Variants in CACNB4 observed in about 807,000 individuals in gnomAD.
CACNB4 encodes the protein voltage-dependent L-type calcium channel subunit beta-4.
In CACNB4, 32 loss-of-function variants were observed where a neutral mutation model predicts 71.2. The observed-to-expected ratio is 0.45, with a 90% CI of 0.34 to 0.60. The LOEUF (loss-of-function observed/expected upper bound fraction) is 0.60, where lower values mean the gene tolerates loss of function less well. Among genes scored for constraint, CACNB4 ranks in the 20% least tolerant of loss-of-function variants. The pLI, the probability that CACNB4 is intolerant of heterozygous loss-of-function variation, is 0.01. For synonymous variants in CACNB4, 231 were observed against 236.9 expected, an observed-to-expected ratio of 0.97 and a Z score of 0.23; for missense variants, 464 against 647.9, an observed-to-expected ratio of 0.72 and a Z score of 3.08.
chr2:151,894,713 G>C (rs1004327017), intron 2 of CACNB4, among the ~76,000 whole-genome samples: 2 of 152,040 alleles, frequency 1.3e-5, no homozygotes, highest in Non-Finnish European at 2.9e-5. Flanking sequence ...CAGTAATGTT[G>C]CAGGATACAA....
chr2:151,988,967 C>T (rs552299574), intron 2 of CACNB4, among the ~76,000 whole-genome samples: 5 of 152,340 alleles, frequency 3.3e-5, no homozygotes, highest in South Asian at 2.1e-4. Context: ...CTTACCTCAT[C>T]TCTCTTCTTT....
chr2:152,078,770 C>T (rs971023604), intron 2 of CACNB4, among the ~76,000 whole-genome samples: 3 of 152,234 alleles, frequency 2.0e-5, no homozygotes, highest in Non-Finnish European at 2.9e-5. Flanking sequence ...CAACAGCCTA[C>T]GTCCTTGGAC....
chr2:151,973,456 C>T (rs2099873156), intron 2 of CACNB4: 9 of 576,504 alleles, frequency 1.6e-5, no homozygotes, highest in Non-Finnish European at 2.5e-5. Flanking sequence ...TGCCATCACC[C>T]TAATTTCTTT....
Position 152,030,107 on chromosome 2 carries a change from CT to C in CACNB4, c.147+68222del, listed in dbSNP as rs796605021. On this transcript the variant is annotated intron_variant, in intron 2 of 13. Transcript: ENST00000539935. ...AGGCAATTGTGAGCACTCTTACCTT[CT>C]TTTTTTTTTCTGATTACATTTCTAC... 1.6e-3 allele frequency among the ~76,000 whole-genome samples: 240 copies of C among 149,630 alleles called. 1 individual carries two copies. The highest frequency in any genetic ancestry group is 8.6e-3 in the East Asian group (44 of 5,104).
chr2:151,837,457 C>T lies in CACNB4; in HGVS notation c.*1662G>A, dbSNP rs1180852774. On this transcript the variant is annotated 3_prime_UTR_variant, in exon 14 of 14. Coordinates refer to ENST00000539935, the MANE Select transcript of CACNB4 (RefSeq NM_000726.5). The stretch of plus-strand genomic sequence containing the variant: ...CTGAACTGGTGCATGCTTTGAGTGC[C>T]TGAATACTGAAAGGCTTGGGGAGAA... 1.3e-5 allele frequency: 2 copies of T among 151,738 alleles called. No individual in the cohort carries two copies. The highest frequency in any genetic ancestry group is 3.8e-4 in the East Asian group (2 of 5,196). 9.4% of individuals were successfully genotyped at this position (151,738 alleles called of 1,614,324 possible). A position where few individuals can be genotyped will look rare whatever the true frequency, so the allele number is the denominator to read the frequency against.
intron 2 of CACNB4, among the ~76,000 whole-genome samples, chr2:151,950,986 G>A (rs987129764): frequency 6.6e-6 from 1 of 152,046 alleles, no homozygotes. Flanking sequence ...CACCCTGGCT[G>A]GAGGCTGGAG....
intron 12 of CACNB4, among the ~76,000 whole-genome samples, chr2:151,844,245 T>G (rs1469996607): frequency 1.3e-5 from 2 of 152,186 alleles, no homozygotes; most frequent in Non-Finnish European, 2.9e-5. Flanking sequence ...TATGTCACAC[T>G]GGGACTTTAA....
intron 2 of CACNB4, among the ~76,000 whole-genome samples, chr2:151,993,370 T>A (rs546985200): frequency 1.3e-5 from 2 of 152,150 alleles, no homozygotes; most frequent in South Asian, 4.1e-4. Flanking sequence ...ATATTCATGG[T>A]AGCCAATGAA....
At chr2:151,900,287 T>C (rs1258444793) in intron 2 of CACNB4, among the ~76,000 whole-genome samples, 3 of 152,120 alleles carry the variant, frequency 2.0e-5, no homozygotes, top group African/African-American at 7.2e-5. Context: ...CTATGTCATT[T>C]AAAAAAAGAA....
intron 4 of CACNB4, among the ~76,000 whole-genome samples, chr2:151,878,173 A>AAAAGCGAAATTTATATATATGT (rs1414804755): frequency 1.3e-5 from 2 of 151,818 alleles, no homozygotes; most frequent in Non-Finnish European, 2.9e-5. Context: ...GAGCTCATAG[A>AAAAGCGAAATTTATATATATGT]AAAGCGAAAT....
At chr2:152,012,308 T>C (rs557528198) in intron 2 of CACNB4, among the ~76,000 whole-genome samples, 63 of 152,146 alleles carry the variant, frequency 4.1e-4, no homozygotes, top group African/African-American at 1.5e-3. Flanking sequence ...CATGCTTGTG[T>C]GTTAGTTTTT....
chr2:151,984,644 G>A (rs1399635094), intron 2 of CACNB4, among the ~76,000 whole-genome samples: 1 of 151,870 alleles, frequency 6.6e-6, no homozygotes, highest in Admixed American at 6.6e-5. Flanking sequence ...TTCACATTCA[G>A]CCTTTGATGG....
intron 2 of CACNB4, among the ~76,000 whole-genome samples, chr2:152,074,106 A>T (rs533874811): frequency 6.6e-6 from 1 of 152,168 alleles, no homozygotes; most frequent in South Asian, 2.1e-4. Context: ...AAACAATGTT[A>T]TGCAGTCATC....
chr2:151,897,707 G>A (rs769082065), intron 2 of CACNB4, among the ~76,000 whole-genome samples: 4 of 152,132 alleles, frequency 2.6e-5, no homozygotes, highest in Non-Finnish European at 5.9e-5. Flanking sequence ...TTGACTACCT[G>A]GGCTGGAATT....
chr2:152,098,745 TGAGGAG>T lies in CACNB4; in HGVS notation c.63+198_63+203del. The T allele has an allele frequency of 6.7e-7, 1 of 1,483,104 alleles. No individual in the cohort carries two copies. Among genetic ancestry groups the T allele is most frequent in the Non-Finnish European group, 9.1e-7 (1 of 1,101,634 alleles). The allele number at this position is 1,483,104 out of a possible 1,614,324, so 91.9% of individuals were successfully genotyped here. Reference sequence around the variant, plus strand: ...GGGAGCGCAGAGACCCGAAGGAGGGTGAGGAGGAGGAGGAAGAGAAGGAGGAGAAAG... The same window carrying T: ...GGGAGCGCAGAGACCCGAAGGAGGGTGAGGAGGAAGAGAAGGAGGAGAAAG... On this transcript the variant is annotated intron_variant, in intron 1 of 13. Transcript: ENST00000539935. This position sits in a 1 kb window ranked among gnomAD's most constrained non-coding sequence, Gnocchi z 5.3.
chr2:152,034,648 T>C (rs943309627), intron 2 of CACNB4, among the ~76,000 whole-genome samples: 1 of 152,224 alleles, frequency 6.6e-6, no homozygotes, highest in Non-Finnish European at 1.5e-5. Context: ...TTTTTGTTTT[T>C]TGTTTTCCTC....
chr2:152,012,082 T>G (rs993498119), intron 2 of CACNB4, among the ~76,000 whole-genome samples: 1 of 136,476 alleles, frequency 7.3e-6, no homozygotes, highest in Admixed American at 8.2e-5. Flanking sequence ...TTTTAGAGTA[T>G]ACTCCTTCTA....
chr2:151,977,160 T>G (rs888821398), intron 2 of CACNB4, among the ~76,000 whole-genome samples: 3 of 152,210 alleles, frequency 2.0e-5, no homozygotes, highest in Non-Finnish European at 4.4e-5. Flanking sequence ...CAAAACTGCA[T>G]AGCCTCAAGG....
chr2:152,008,257 C>A (rs1024736418), intron 2 of CACNB4, among the ~76,000 whole-genome samples: 1 of 151,856 alleles, frequency 6.6e-6, no homozygotes, highest in East Asian at 1.9e-4. Context: ...CTCCATTTTG[C>A]AATTTACTTT....
Sources: gnomAD v4.1 joint callset for allele counts (sites outside exome capture counted in the v4.1 genomes callset) on GRCh38, gnomAD v4.1.1 for gene constraint, Gnocchi (gnomAD v3.1) non-coding constraint, MANE v1.5 for transcripts, NCBI Gene and HGNC (gene_info 2026-07-23, HGNC 2026-07-21) for gene names.